The following NCALD variants were observed in gnomAD, a reference collection of about 807,000 sequenced individuals.
NCALD encodes neurocalcin-delta.
In NCALD, 10 loss-of-function variants were observed where a neutral mutation model predicts 18.6. The observed-to-expected ratio is 0.54, with a 90% CI of 0.33 to 0.91. The LOEUF (loss-of-function observed/expected upper bound fraction) is 0.91. NCALD is among the 40% of genes least tolerant of loss of function. The probability of loss-of-function intolerance (pLI) is 0.03; values close to 1 mark genes in which losing one functional copy is unlikely to be tolerated. For synonymous variants in NCALD, 88 were observed against 87.4 expected, an observed-to-expected ratio of 1.01 and a Z score of -0.04; for missense variants, 184 against 247.6, an observed-to-expected ratio of 0.74 and a Z score of 1.72.
intron 1 of NCALD, among the ~76,000 whole-genome samples, chr8:101,758,831 T>C (rs2040216): frequency 0.62 from 94,655 of 151,852 alleles, 31,842 homozygotes; most frequent in Non-Finnish European, 0.75. Flanking sequence ...ATGTGTAAAA[T>C]ACTTTTTTTT....
Position 102,046,363 on chromosome 8 carries a change from G to C in NCALD, c.-209-26074C>G, listed in dbSNP as rs572866144. 2.0e-5 allele frequency among the ~76,000 whole-genome samples: 3 copies of C among 152,244 alleles called. No homozygotes were observed. The South Asian group carries it at 6.2e-4, about 32-fold the overall frequency. On this transcript the variant is annotated intron_variant, in intron 1 of 6. Coordinates refer to the NCALD transcript ENST00000311028. ...TGTATGTACTCTCCATGCATATTCT[G>C]AGACAACTTCTACAAATTAGAAAAG... is the stretch of plus-strand genomic sequence containing the variant.
chr8:102,006,944 C>G (rs1319215375), intron 2 of NCALD, among the ~76,000 whole-genome samples: 1 of 152,188 alleles, frequency 6.6e-6, no homozygotes, highest in African/African-American at 2.4e-5. Flanking sequence ...AGGCACCGCT[C>G]AGGCCAGGGA....
intron 1 of NCALD, among the ~76,000 whole-genome samples, chr8:102,099,544 C>T (rs1034456893): frequency 2.0e-5 from 3 of 151,744 alleles, no homozygotes; most frequent in African/African-American, 7.3e-5. Context: ...ATCTTGACAT[C>T]AAGATTTTGT....
chr8:101,899,188 G>A (rs1586721584), intron 3 of NCALD, among the ~76,000 whole-genome samples: 1 of 151,912 alleles, frequency 6.6e-6, no homozygotes, highest in East Asian at 1.9e-4. Context: ...ATATTCATGT[G>A]TACATTGCTA....
At chr8:102,081,270 T>C (rs1315956651) in intron 1 of NCALD, among the ~76,000 whole-genome samples, 2 of 152,104 alleles carry the variant, frequency 1.3e-5, no homozygotes, top group Admixed American at 1.3e-4. Context: ...TGTCAAAAAA[T>C]CACATGACCA....
At position 102,122,816 on chromosome 8, in the gene NCALD, A is replaced by G. The variant is rs530544323; in HGVS notation, c.-210+1421T>C. Among the ~76,000 whole-genome samples the G allele has an allele frequency of 2.0e-5, 3 of 152,336 alleles. No individual in the cohort carries two copies. The South Asian group carries it at 6.2e-4, about 32-fold the overall frequency. ...CAGAGCCCACACTCCTAATGTCCATATTGGCAACTCTCCTAATACAGTTAC... is the reference window on the plus strand; with the variant it reads ...CAGAGCCCACACTCCTAATGTCCATGTTGGCAACTCTCCTAATACAGTTAC... On this transcript the variant is annotated intron_variant, in intron 1 of 6. Coordinates refer to the NCALD transcript ENST00000311028.
At chr8:102,053,921 C>G (rs141932555) in intron 1 of NCALD, among the ~76,000 whole-genome samples, 31 of 152,304 alleles carry the variant, frequency 2.0e-4, no homozygotes, top group Non-Finnish European at 3.5e-4. Flanking sequence ...GTGATTCTTA[C>G]ACAGTTTGAA....
At chr8:101,703,524 C>G (rs1815370560) in intron 2 of NCALD, among the ~76,000 whole-genome samples, 1 of 152,018 alleles carries the variant, frequency 6.6e-6, no homozygotes, top group Non-Finnish European at 1.5e-5. Flanking sequence ...ACCACAAACC[C>G]AAAAAACAAT....
At chr8:101,806,248 A>G (rs1813097149) in intron 4 of NCALD, among the ~76,000 whole-genome samples, 1 of 152,166 alleles carries the variant, frequency 6.6e-6, no homozygotes, top group Admixed American at 6.5e-5. Context: ...TCAGAATCCC[A>G]AATTCCTATA....
At chr8:101,888,709 A>G (rs988927227) in intron 3 of NCALD, among the ~76,000 whole-genome samples, 3 of 152,008 alleles carry the variant, frequency 2.0e-5, no homozygotes, top group Non-Finnish European at 4.4e-5. Flanking sequence ...AAACCACCAC[A>G]CCCAGCCTGA....
chr8:102,005,865 C>A (rs1821682143), intron 2 of NCALD, among the ~76,000 whole-genome samples: 1 of 101,560 alleles, frequency 9.8e-6, no homozygotes, highest in African/African-American at 3.9e-5. Context: ...ACATCACACA[C>A]TGGGGCCTGT....
chr8:102,058,957 C>T (rs763297230), intron 1 of NCALD, among the ~76,000 whole-genome samples: 2 of 152,152 alleles, frequency 1.3e-5, no homozygotes, highest in East Asian at 3.8e-4. Flanking sequence ...GGAATGCAGA[C>T]GGCCTTTCTT....
At chr8:101,962,801 T>C (rs1819880758) in intron 2 of NCALD, among the ~76,000 whole-genome samples, 1 of 152,238 alleles carries the variant, frequency 6.6e-6, no homozygotes, top group Non-Finnish European at 1.5e-5. Context: ...GGTTTGTTTC[T>C]CATAGAGCAA....
intron 1 of NCALD, among the ~76,000 whole-genome samples, chr8:102,083,443 G>GA (rs1824616666): frequency 2.0e-5 from 3 of 152,308 alleles, no homozygotes; most frequent in African/African-American, 7.2e-5. Flanking sequence ...TGGGGATAAT[G>GA]AATCTTTCCT....
At chr8:101,734,019 C>G (rs1302966056) in intron 1 of NCALD, among the ~76,000 whole-genome samples, 1 of 152,204 alleles carries the variant, frequency 6.6e-6, no homozygotes, top group African/African-American at 2.4e-5. Flanking sequence ...TCATCAGTCA[C>G]AGCAACCGTG....
At chr8:102,006,313 T>C (rs1176201457) in intron 2 of NCALD, among the ~76,000 whole-genome samples, 1 of 152,122 alleles carries the variant, frequency 6.6e-6, no homozygotes, top group Non-Finnish European at 1.5e-5. Flanking sequence ...TGGTTCTCTT[T>C]TTTTTTTTAA....
At chr8:101,932,484 T>G (rs1423749780) in intron 2 of NCALD, among the ~76,000 whole-genome samples, 1 of 152,240 alleles carries the variant, frequency 6.6e-6, no homozygotes, top group African/African-American at 2.4e-5. Flanking sequence ...GCAGCACTTC[T>G]GCTTCAGGGT....
chr8:102,058,560 G>A (rs567397080), intron 1 of NCALD, among the ~76,000 whole-genome samples: 5 of 152,266 alleles, frequency 3.3e-5, no homozygotes, highest in South Asian at 2.1e-4. Context: ...TGAGAGCATC[G>A]CTGTTCCATT....
Position 101,955,249 on chromosome 8 carries a change from G to T in NCALD, c.-156-39391C>A, listed in dbSNP as rs183916852. Among the ~76,000 whole-genome samples, 509 of 152,310 alleles carry T rather than the reference G, an allele frequency of 3.3e-3. 1 individual carries two copies. Among genetic ancestry groups the T allele is most frequent in the Non-Finnish European group, 5.9e-3 (403 of 68,024 alleles). ...TAGACCTAGTTTTATATTTTAGAAG[G>T]GGGGAGGACGTTGGCCCTAGGGAAA... On this transcript the variant is annotated intron_variant, in intron 2 of 6. Coordinates refer to the NCALD transcript ENST00000311028.
Sources: allele counts gnomAD v4.1 joint callset (sites outside exome capture counted in the v4.1 genomes callset), GRCh38; gene constraint gnomAD v4.1.1; transcripts MANE v1.5; gene names NCBI Gene and HGNC (gene_info 2026-07-23, HGNC 2026-07-21).